The following AXIN1 variants were observed in gnomAD, a reference collection of about 807,000 sequenced individuals.
AXIN1 encodes axin-1.
AXIN1 carries 30 observed loss-of-function variants against 76.4 expected under a neutral mutation model. The ratio of observed to expected loss-of-function variants is 0.39; its 90% CI spans 0.29 to 0.53. The LOEUF is 0.53. AXIN1 is among the 20% of genes least tolerant of loss of function. The pLI, the probability that AXIN1 is intolerant of heterozygous loss-of-function variation, is 0.66. For synonymous variants in AXIN1, 545 were observed against 501.4 expected (o/e 1.09, Z -1.16); for missense variants, 1,140 against 1,198.8 (o/e 0.95, Z 0.72).
Position 352,491 on chromosome 16 carries a change from C to A in AXIN1, c.-204G>T. ...GGCGGGGGCGCGGCCCGGGGCGGCC[C>A]CCATCTCGGCGGCTGCGGCTCGGCG... On this transcript the variant is annotated 5_prime_UTR_variant, in exon 1 of 11. Transcript: ENST00000262320. The A allele has an allele frequency of 1.1e-6, 1 of 901,022 alleles. No homozygotes were observed. The highest frequency in any genetic ancestry group is 1.3e-6 in the Non-Finnish European group (1 of 756,350). 55.8% of individuals were successfully genotyped at this position (901,022 alleles called of 1,614,324 possible).
rs114815618 is a variant in AXIN1, at chr16:304,052, C to A, written c.1254+252G>T. ...ACACAGCAGGCAGCCGTGTCACCCC[C>A]GGCCCCTTCAATGCAGGTGACCAAG... On this transcript the variant is annotated intron_variant, in intron 5 of 10. Coordinates refer to ENST00000262320, the MANE Select transcript of AXIN1 (RefSeq NM_003502.4). Among the ~76,000 whole-genome samples, 681 of 152,348 alleles carry A rather than the reference C, an allele frequency of 4.5e-3. 4 individuals carry two copies. Among genetic ancestry groups the A allele is most frequent in the African/African-American group, 0.016 (645 of 41,572 alleles).
At chr16:295,392 T>C (rs1158937588) in intron 7 of AXIN1, among the ~76,000 whole-genome samples, 3 of 151,882 alleles carry the variant, frequency 2.0e-5, no homozygotes, top group Non-Finnish European at 4.4e-5. Flanking sequence ...TGAGGCTTCT[T>C]TTTTTACATT....
intron 9 of AXIN1, 40 bp downstream of exon 9, chr16:291,150 G>T: frequency 6.5e-7 from 1 of 1,541,616 alleles, no homozygotes. Flanking sequence ...CGCCAGGGCT[G>T]GGGTGGGCAG....
At position 305,606 on chromosome 16, in the gene AXIN1, C is replaced by T. The variant is rs113148854; in HGVS notation, c.1117-1165G>A. On this transcript the variant is annotated intron_variant, in intron 4 of 10. Transcript: ENST00000262320. ...TCACCCAGGCTGGAGTGTAGTGGCGCGATTTCGGCTCACTGCAAGCTCCGC... is the reference window on the plus strand; with the variant it reads ...TCACCCAGGCTGGAGTGTAGTGGCGTGATTTCGGCTCACTGCAAGCTCCGC... 7.3e-3 allele frequency among the ~76,000 whole-genome samples: 1,108 copies of T among 152,134 alleles called. 3 individuals are homozygous for T. Among genetic ancestry groups the T allele is most frequent in the Non-Finnish European group, 9.3e-3 (631 of 67,954 alleles).
intron 2 of AXIN1, among the ~76,000 whole-genome samples, chr16:339,879 C>T (rs537257895): frequency 1.3e-5 from 2 of 152,130 alleles, no homozygotes; most frequent in East Asian, 1.9e-4. Context: ...CTGGGCCACA[C>T]CCTTTGCACA....
intron 2 of AXIN1, among the ~76,000 whole-genome samples, chr16:317,242 G>A (rs12596779): frequency 0.11 from 17,269 of 152,258 alleles, 1,234 homozygotes; most frequent in South Asian, 0.21. Flanking sequence ...CGAGCACTGC[G>A]AGCTGGGGAC....
At position 297,848 on chromosome 16, in the gene AXIN1, T is replaced by C. The variant is rs2141510349; in HGVS notation, c.1658A>G (p.Glu553Gly). 1 of 1,578,090 alleles carries C rather than the reference T, an allele frequency of 6.3e-7. No homozygotes were observed. Among genetic ancestry groups the C allele is most frequent in the Non-Finnish European group, 8.6e-7 (1 of 1,160,994 alleles). Residue 553 changes from glutamate (E) to glycine (G), a missense_variant, in exon 6 of 11, where the codon GAG becomes GGG. Glu to Gly is a moderately conservative substitution (Grantham distance 98). Around this residue, in one of 3 missense-constraint regions of AXIN1, gnomAD observed 708 missense variants for 776.9 expected, o/e 0.91. Transcript: ENST00000262320. ...GCTGCTCTGGGCCCTGCGGGTGGCCTCGGCCTCCACCTGCTCCTTGGGCCG... is the reference window on the plus strand; with the variant it reads ...GCTGCTCTGGGCCCTGCGGGTGGCCCCGGCCTCCACCTGCTCCTTGGGCCG... ...TARPKEQVEA[E>G]ATRRAQSSFA...
chr16:298,797 C>G (rs2052790076), intron 5 of AXIN1, among the ~76,000 whole-genome samples: 1 of 152,106 alleles, frequency 6.6e-6, no homozygotes, highest in Admixed American at 6.6e-5. Flanking sequence ...GAGACAGAGT[C>G]TTGCTCTGTT....
rs149020191 is a variant in AXIN1, at chr16:293,863, C to T, written c.1956-145G>A. 89 of 785,680 alleles carry T rather than the reference C, an allele frequency of 1.1e-4. No individual in the cohort carries two copies. The highest frequency in any genetic ancestry group is 3.1e-4 in the Middle Eastern group (1 of 3,238). 48.7% of individuals were successfully genotyped at this position (785,680 alleles called of 1,614,324 possible). On this transcript the variant is annotated intron_variant, in intron 7 of 10. Coordinates refer to ENST00000262320, the MANE Select transcript of AXIN1 (RefSeq NM_003502.4). This position sits in a 1 kb window ranked among gnomAD's most constrained non-coding sequence, Gnocchi z 4.6. ...GGGCCTGGCCACCAAGCCACATGGACGTCCTCCACAGACCACACAATAAAA... is the reference window on the plus strand; with the variant it reads ...GGGCCTGGCCACCAAGCCACATGGATGTCCTCCACAGACCACACAATAAAA...
At chr16:352,279 G>C (rs2054162205) in intron 1 of AXIN1, 90 bp downstream of exon 1, 1 of 803,420 alleles carries the variant, frequency 1.2e-6, no homozygotes, top group Admixed American at 6.3e-5. Flanking sequence ...GGTCCCACGC[G>C]CGTCAGCCAC....
rs942653047 is a variant in AXIN1, at chr16:293,918, C to T, written c.1956-200G>A. Among the ~76,000 whole-genome samples, 2 of 152,206 alleles carry T rather than the reference C, an allele frequency of 1.3e-5. No homozygotes were observed. The highest frequency in any genetic ancestry group is 4.8e-5 in the African/African-American group (2 of 41,460). On this transcript the variant is annotated intron_variant, in intron 7 of 10. Transcript: ENST00000262320. This position sits in a 1 kb window ranked among gnomAD's most constrained non-coding sequence, Gnocchi z 4.6. ...CCCGGCCAGGCATGGTGGCTCACACCTGTAATCCCAGCATTTCGGGAGGCC... is the reference window on the plus strand; with the variant it reads ...CCCGGCCAGGCATGGTGGCTCACACTTGTAATCCCAGCATTTCGGGAGGCC...
At chr16:313,532 C>T (rs1463727178) in intron 3 of AXIN1, among the ~76,000 whole-genome samples, 1 of 152,248 alleles carries the variant, frequency 6.6e-6, no homozygotes, top group African/African-American at 2.4e-5. Context: ...CAGCTGCTCA[C>T]AAGTTCATAG....
intron 8 of AXIN1, chr16:291,988 C>T (rs113851505): frequency 0.17 from 26,590 of 155,550 alleles, 2,549 homozygotes; most frequent in African/African-American, 0.23. Flanking sequence ...GCCAAACGGG[C>T]GGGAGGGTCG....
intron 1 of AXIN1, among the ~76,000 whole-genome samples, chr16:350,633 T>C (rs1407754150): frequency 6.6e-6 from 1 of 152,206 alleles, no homozygotes; most frequent in Non-Finnish European, 1.5e-5. Context: ...GTCCATTGAT[T>C]TAACTCTTGA....
intron 2 of AXIN1, among the ~76,000 whole-genome samples, chr16:339,167 C>T (rs1210315963): frequency 7.9e-6 from 1 of 125,948 alleles, no homozygotes; most frequent in Non-Finnish European, 1.6e-5. Context: ...CACTTGAGGT[C>T]AGGAGTTCAA....
chr16:347,294 AAACTTTTAC>A (rs772371889), intron 1 of AXIN1, among the ~76,000 whole-genome samples, 188 bp from the exon 2 acceptor site: 49 of 149,924 alleles, frequency 3.3e-4, no homozygotes, highest in Non-Finnish European at 6.6e-4. Flanking sequence ...CAATTTCTGG[AAACTTTTAC>A]AACTACAGGA....
chr16:305,317 T>G (rs1462052866), intron 4 of AXIN1, among the ~76,000 whole-genome samples: 2 of 152,074 alleles, frequency 1.3e-5, no homozygotes, highest in Non-Finnish European at 2.9e-5. Flanking sequence ...AACAAAAATT[T>G]TTTTTAATTA....
At chr16:324,347 G>A (rs2053531703) in intron 2 of AXIN1, among the ~76,000 whole-genome samples, 2 of 152,280 alleles carry the variant, frequency 1.3e-5, no homozygotes, top group Admixed American at 6.5e-5. Flanking sequence ...GCTGGGGGCC[G>A]GAATGCGGGT....
At chr16:324,850 C>T (rs1401501354) in intron 2 of AXIN1, among the ~76,000 whole-genome samples, 2 of 152,188 alleles carry the variant, frequency 1.3e-5, no homozygotes, top group Non-Finnish European at 2.9e-5. Context: ...GCCCAGCCCC[C>T]GAGTCCCGCG....
Sources: gnomAD v4.1 joint callset for allele counts (sites outside exome capture counted in the v4.1 genomes callset) on GRCh38, gnomAD v4.1.1 for gene constraint, gnomAD v4.1.1 regional missense constraint, Gnocchi (gnomAD v3.1) non-coding constraint, MANE v1.5 for transcripts, NCBI Gene and HGNC (gene_info 2026-07-23, HGNC 2026-07-21) for gene names.